Variants in DNAJC1 observed in about 807,000 individuals in gnomAD.
DNAJC1 encodes dnaJ homolog subfamily C member 1.
Under a neutral mutation model 76.6 loss-of-function variants are expected in DNAJC1, and 58 were observed. The observed-to-expected ratio is 0.76, with a 90% CI of 0.61 to 0.94. The LOEUF is 0.94. DNAJC1 is among the 40% of genes least tolerant of loss of function. The probability of loss-of-function intolerance (pLI) is 0.00; values close to 1 mark genes in which losing one functional copy is unlikely to be tolerated. For missense variants in DNAJC1, 689 were observed against 677.3 expected, an observed-to-expected ratio of 1.02 and a Z score of -0.19; for synonymous variants, 258 against 267.9, an observed-to-expected ratio of 0.96 and a Z score of 0.36.
chr10:21,982,671 C>T (rs537309611), intron 1 of DNAJC1, among the ~76,000 whole-genome samples: 1 of 149,418 alleles, frequency 6.7e-6, no homozygotes, highest in South Asian at 2.1e-4. Context: ...AAATGCAAAT[C>T]AAAACCACAA....
At chr10:21,952,123 A>G (rs1287881538) in intron 1 of DNAJC1, among the ~76,000 whole-genome samples, 2 of 152,218 alleles carry the variant, frequency 1.3e-5, no homozygotes, top group Admixed American at 1.3e-4. Context: ...ATAAAAAATT[A>G]CTGGCAACTA....
intron 10 of DNAJC1, among the ~76,000 whole-genome samples, chr10:21,766,000 G>A (rs1281243682): frequency 1.3e-5 from 2 of 152,100 alleles, no homozygotes; most frequent in Non-Finnish European, 2.9e-5. Flanking sequence ...TGTGTTCCCC[G>A]TCCCCACAAA....
chr10:21,908,225 T>A (rs1428679635), intron 6 of DNAJC1, among the ~76,000 whole-genome samples: 1 of 70,264 alleles, frequency 1.4e-5, no homozygotes, highest in Non-Finnish European at 2.4e-5. Flanking sequence ...TTATATATAA[T>A]ATATATAAAA....
intron 7 of DNAJC1, among the ~76,000 whole-genome samples, chr10:21,884,267 T>C (rs747048045): frequency 1.3e-5 from 2 of 152,124 alleles, no homozygotes; most frequent in South Asian, 2.1e-4. Flanking sequence ...AGGTCATAAA[T>C]GGGCAATCCA....
intron 3 of DNAJC1, among the ~76,000 whole-genome samples, chr10:21,923,388 A>G (rs897302693): frequency 1.3e-5 from 2 of 152,052 alleles, no homozygotes; most frequent in East Asian, 1.9e-4. Context: ...GACACTTTTC[A>G]TAAGTTATTT....
chr10:21,833,353 C>A (rs556023735), intron 8 of DNAJC1, among the ~76,000 whole-genome samples: 1 of 152,262 alleles, frequency 6.6e-6, no homozygotes, highest in South Asian at 2.1e-4. Flanking sequence ...CGCCTGTAAT[C>A]CCAGCTATTT....
intron 8 of DNAJC1, among the ~76,000 whole-genome samples, chr10:21,838,356 G>T (rs1363159805): frequency 3.3e-5 from 5 of 152,084 alleles, no homozygotes; most frequent in Non-Finnish European, 5.9e-5. Flanking sequence ...CATGTGCTGT[G>T]TCCACTCAGG....
intron 1 of DNAJC1, among the ~76,000 whole-genome samples, chr10:21,971,642 C>T (rs1004193622): frequency 1.3e-5 from 2 of 151,832 alleles, no homozygotes; most frequent in Non-Finnish European, 3.0e-5. Context: ...CTGCTCATGT[C>T]AGAAACTCTT....
At chr10:21,765,409 G>A (rs1834288197) in intron 10 of DNAJC1, among the ~76,000 whole-genome samples, 1 of 152,094 alleles carries the variant, frequency 6.6e-6, no homozygotes, top group African/African-American at 2.4e-5. Context: ...TTGTTGGCTT[G>A]TTCATCTGCA....
chr10:21,866,496 T>C (rs2131704036), intron 8 of DNAJC1, among the ~76,000 whole-genome samples: 1 of 152,152 alleles, frequency 6.6e-6, no homozygotes, highest in South Asian at 2.1e-4. Context: ...TCACCAAAGA[T>C]ATAAAAATGT....
At chr10:21,886,160 C>T (rs997007706) in intron 7 of DNAJC1, among the ~76,000 whole-genome samples, 2 of 151,970 alleles carry the variant, frequency 1.3e-5, no homozygotes, top group African/African-American at 4.8e-5. Context: ...TTACCACTGA[C>T]CCCACAGAAG....
intron 6 of DNAJC1, among the ~76,000 whole-genome samples, chr10:21,916,134 A>C (rs1343784978): frequency 6.6e-6 from 1 of 152,194 alleles, no homozygotes; most frequent in Non-Finnish European, 1.5e-5. Flanking sequence ...TAAAGAAAGC[A>C]AGATTATCGG....
intron 1 of DNAJC1, among the ~76,000 whole-genome samples, chr10:21,992,090 C>CG (rs1488538425): frequency 6.6e-6 from 1 of 152,208 alleles, no homozygotes; most frequent in Non-Finnish European, 1.5e-5. Flanking sequence ...GTTGGCGGAT[C>CG]GCCTGACATC....
chr10:21,910,949 GAA>G (rs1010127782), intron 6 of DNAJC1, among the ~76,000 whole-genome samples: 2 of 145,636 alleles, frequency 1.4e-5, no homozygotes, highest in African/African-American at 5.1e-5. Flanking sequence ...AAGAGACAAA[GAA>G]GAGAGAGAGA....
In DNAJC1 at chr10:21,759,266, A is replaced by G; in HGVS notation, c.1500T>C (p.Asn500=). ...ARSAEEPWTQ[N]QQKLLELALQ... ...ACGCCAGTTCCAGAAGTTTCTGTTGATTTTGAGTCCACGGCTCCTCTGCAG... is the reference window on the plus strand; with the variant it reads ...ACGCCAGTTCCAGAAGTTTCTGTTGGTTTTGAGTCCACGGCTCCTCTGCAG... The change falls in exon 11 of 12, where the codon AAT becomes AAC. Residue 500 remains asparagine, a synonymous_variant. Coordinates refer to ENST00000376980, the MANE Select transcript of DNAJC1 (RefSeq NM_022365.4). 1 of 1,614,114 alleles carries G rather than the reference A, an allele frequency of 6.2e-7. No individual in the cohort carries two copies. The highest frequency in any genetic ancestry group is 8.5e-7 in the Non-Finnish European group (1 of 1,180,004).
chr10:21,928,991 G>A (rs888263084), intron 2 of DNAJC1, 49 bp downstream of exon 2: 1 of 1,168,628 alleles, frequency 8.6e-7, no homozygotes, highest in Non-Finnish European at 1.2e-6. Flanking sequence ...CCATCGACAT[G>A]TTAATACATT....
At chr10:21,821,878 A>C (rs1354027578) in intron 8 of DNAJC1, among the ~76,000 whole-genome samples, 5 of 151,880 alleles carry the variant, frequency 3.3e-5, no homozygotes, top group Non-Finnish European at 7.4e-5. Context: ...AAAATAAATT[A>C]AAAGGATTGA....
At chr10:21,962,849 AT>A (rs1439205587) in intron 1 of DNAJC1, among the ~76,000 whole-genome samples, 2 of 152,086 alleles carry the variant, frequency 1.3e-5, no homozygotes, top group Non-Finnish European at 2.9e-5. Context: ...AAAAGATCAT[AT>A]AACAATTAAA....
intron 6 of DNAJC1, among the ~76,000 whole-genome samples, chr10:21,916,142 C>T (rs766037486): frequency 3.3e-5 from 5 of 152,076 alleles, no homozygotes; most frequent in Non-Finnish European, 7.4e-5. Flanking sequence ...GCAAGATTAT[C>T]GGTATAGTTT....
Sources: allele counts gnomAD v4.1 joint callset (sites outside exome capture counted in the v4.1 genomes callset), GRCh38; gene constraint gnomAD v4.1.1; transcripts MANE v1.5; gene names NCBI Gene and HGNC (gene_info 2026-07-23, HGNC 2026-07-21).